DYNC1I1: variants seen among roughly 807,000 people sequenced by gnomAD.
DYNC1I1 encodes cytoplasmic dynein 1 intermediate chain 1.
A neutral mutation model predicts 86.6 loss-of-function variants in DYNC1I1; 43 were observed. The observed-to-expected ratio is 0.50, with a 90% CI of 0.39 to 0.64. The LOEUF (loss-of-function observed/expected upper bound fraction) is 0.64, where lower values mean the gene tolerates loss of function less well. DYNC1I1 is among the 30% of genes least tolerant of loss of function. DYNC1I1 has a pLI of 0.00. For missense variants in DYNC1I1, 604 were observed against 788.8 expected (o/e 0.77, Z 2.81); for synonymous variants, 262 against 283.7 (o/e 0.92, Z 0.77).
In DYNC1I1 at chr7:95,828,091, C is replaced by T. The variant is rs758134937; in HGVS notation, c.349C>T (p.Gln117Ter). ...GTGGGACACAGACCCCTCAGTGCTC[C>T]AGCTGCAGTCAGACTCAGAACTTGG... is the stretch of plus-strand genomic sequence containing the variant. ...LQWDTDPSVL[Q>*]LQSDSELGRR... Residue 117 changes from glutamine (Q) to a stop codon, truncating the protein, a stop_gained, in exon 5 of 17, where the codon CAG becomes TAG. Transcript: ENST00000447467. LOFTEE classifies it high-confidence loss of function. 1 of 1,613,810 alleles carries T rather than the reference C, an allele frequency of 6.2e-7. No homozygotes were observed. Among genetic ancestry groups the T allele is most frequent in the Admixed American group, 1.7e-5 (1 of 60,014 alleles).
At position 96,060,632 on chromosome 7, in the gene DYNC1I1, G is replaced by C. The variant is rs79291939; in HGVS notation, c.1510-15425G>C. On this transcript the variant is annotated intron_variant, in intron 14 of 16. Coordinates refer to ENST00000447467, the MANE Select transcript of DYNC1I1 (RefSeq NM_001135556.2). ...AACCCTGATGTGAACTATGGAGTGTGGATGACAATGATGTGTCAGTGTGGA... is the reference window on the plus strand; with the variant it reads ...AACCCTGATGTGAACTATGGAGTGTCGATGACAATGATGTGTCAGTGTGGA... Among the ~76,000 whole-genome samples, 1,325 of 152,250 alleles carry C rather than the reference G, an allele frequency of 8.7e-3. 16 individuals carry two copies. The highest frequency in any genetic ancestry group is 0.03 in the African/African-American group (1,262 of 41,558).
At chr7:95,977,866 T>C (rs1793348741) in intron 7 of DYNC1I1, among the ~76,000 whole-genome samples, 1 of 152,222 alleles carries the variant, frequency 6.6e-6, no homozygotes, top group African/African-American at 2.4e-5. Context: ...TCCAGAACAC[T>C]TGTTACCAAT....
chr7:96,004,569 T>C (rs1794094259), intron 10 of DYNC1I1, among the ~76,000 whole-genome samples: 1 of 151,980 alleles, frequency 6.6e-6, no homozygotes, highest in Non-Finnish European at 1.5e-5. Context: ...ATGTTCATGA[T>C]AAATATAGTC....
At chr7:96,046,926 G>A (rs902226870) in intron 14 of DYNC1I1, among the ~76,000 whole-genome samples, 2 of 152,142 alleles carry the variant, frequency 1.3e-5, no homozygotes, top group African/African-American at 4.8e-5. Context: ...TTCCCACAAT[G>A]TAATTGAAGA....
At chr7:96,023,357 T>C (rs1311408660) in intron 10 of DYNC1I1, among the ~76,000 whole-genome samples, 1 of 151,854 alleles carries the variant, frequency 6.6e-6, no homozygotes, top group Non-Finnish European at 1.5e-5. Flanking sequence ...GTGGGCAGAG[T>C]GCCACGCACG....
rs778107083 is a variant in DYNC1I1 at position 96,001,799 on chromosome 7, C to G, written c.969+5726C>G. On this transcript the variant is annotated intron_variant, in intron 10 of 16. Transcript: ENST00000447467. ...AACCTTCATTACCTCCTTCTGGTCC[C>G]TATTTCCAAATACAGTCACATTGAG... 5.3e-5 allele frequency among the ~76,000 whole-genome samples: 8 copies of G among 152,042 alleles called. 1 individual carries two copies. The highest frequency in any genetic ancestry group is 1.2e-4 in the Non-Finnish European group (8 of 68,020).
intron 13 of DYNC1I1, 22 bp downstream of exon 13, chr7:96,035,774 T>C (rs1375346516): frequency 1.2e-6 from 2 of 1,609,032 alleles, no homozygotes; most frequent in East Asian, 2.2e-5. Flanking sequence ...GTTTCTTTAC[T>C]GATGACATGT....
chr7:96,021,349 A>C (rs1794545336), intron 10 of DYNC1I1, among the ~76,000 whole-genome samples: 1 of 152,114 alleles, frequency 6.6e-6, no homozygotes, highest in South Asian at 2.1e-4. Flanking sequence ...CCTGCCTCTC[A>C]GGAAGTAGAA....
chr7:96,066,581 A>G (rs1789997997), intron 14 of DYNC1I1, among the ~76,000 whole-genome samples: 1 of 152,108 alleles, frequency 6.6e-6, no homozygotes, highest in Non-Finnish European at 1.5e-5. Context: ...CCTCCTTGTG[A>G]TATGATGTGT....
chr7:95,872,746 T>A (rs548183437), intron 6 of DYNC1I1, among the ~76,000 whole-genome samples: 58 of 152,300 alleles, frequency 3.8e-4, no homozygotes, highest in African/African-American at 1.3e-3. Context: ...AACACTGACT[T>A]GGAGAAGGAT....
At chr7:95,917,401 T>C (rs560810921) in intron 6 of DYNC1I1, among the ~76,000 whole-genome samples, 2 of 152,276 alleles carry the variant, frequency 1.3e-5, no homozygotes, top group South Asian at 4.1e-4. Flanking sequence ...TCCCTCAATA[T>C]TTATAAAATA....
At chr7:95,929,553 G>A (rs1456975865) in intron 6 of DYNC1I1, among the ~76,000 whole-genome samples, 1 of 152,082 alleles carries the variant, frequency 6.6e-6, no homozygotes, top group East Asian at 1.9e-4. Context: ...TTTTGAAAGC[G>A]TAAAAGCATG....
At chr7:95,821,682 AT>A (rs35604503) in intron 4 of DYNC1I1, among the ~76,000 whole-genome samples, 5 of 152,030 alleles carry the variant, frequency 3.3e-5, no homozygotes, top group African/African-American at 1.2e-4. Flanking sequence ...CATCATTATC[AT>A]TTTTTGTTAT....
chr7:95,941,188 T>A (rs1020570365), intron 6 of DYNC1I1, among the ~76,000 whole-genome samples: 1 of 152,042 alleles, frequency 6.6e-6, no homozygotes, highest in Non-Finnish European at 1.5e-5. Flanking sequence ...CCCGGCTGTG[T>A]GAGGTGTCAG....
At chr7:95,810,942 T>C (rs112366681) in intron 3 of DYNC1I1, among the ~76,000 whole-genome samples, 3 of 152,282 alleles carry the variant, frequency 2.0e-5, no homozygotes, top group African/African-American at 7.2e-5. Flanking sequence ...AGTTAGTCTA[T>C]GATGAAAATA....
Position 95,805,497 on chromosome 7 carries a change from C to T in DYNC1I1, c.108+660C>T, listed in dbSNP as rs141087380. Among the ~76,000 whole-genome samples the T allele has an allele frequency of 3.9e-3, 591 of 152,170 alleles. 4 individuals are homozygous for T. Among genetic ancestry groups the T allele is most frequent in the African/African-American group, 0.014 (561 of 41,520 alleles). On this transcript the variant is annotated intron_variant, in intron 2 of 16. Transcript: ENST00000447467. The stretch of plus-strand genomic sequence containing the variant: ...TGGCTGAAATTTCAGAGACTTTCCA[C>T]TGAGGCCTTTCTTTATGCCAACAAA...
chr7:95,987,267 T>C (rs548620919), intron 9 of DYNC1I1, 112 bp downstream of exon 9: 8 of 900,330 alleles, frequency 8.9e-6, no homozygotes, highest in Non-Finnish European at 1.4e-5. Flanking sequence ...TGCCTGTTGG[T>C]TTTTTTCCCC....
At chr7:96,078,849 G>A (rs1312680129) in intron 15 of DYNC1I1, among the ~76,000 whole-genome samples, 1 of 152,040 alleles carries the variant, frequency 6.6e-6, no homozygotes, top group Admixed American at 6.6e-5. Context: ...TGTTTTCTGG[G>A]CAGCACAGTC....
At chr7:95,816,407 T>C (rs764188426) in intron 4 of DYNC1I1, among the ~76,000 whole-genome samples, 1 of 152,222 alleles carries the variant, frequency 6.6e-6, no homozygotes, top group Non-Finnish European at 1.5e-5. Context: ...GTTATACTAA[T>C]GATTTAATTT....
Sources: allele counts gnomAD v4.1 joint callset (sites outside exome capture counted in the v4.1 genomes callset), GRCh38; gene constraint gnomAD v4.1.1; transcripts MANE v1.5; gene names NCBI Gene and HGNC (gene_info 2026-07-23, HGNC 2026-07-21).